The following AMOTL1 variants were observed in gnomAD, a reference collection of about 807,000 sequenced individuals.
AMOTL1 encodes angiomotin-like protein 1.
In AMOTL1, 45 loss-of-function variants were observed where a neutral mutation model predicts 102.9. The ratio of observed to expected loss-of-function variants is 0.44; its 90% CI spans 0.34 to 0.56. AMOTL1 has a LOEUF of 0.56. Among genes scored for constraint, AMOTL1 ranks in the 20% least tolerant of loss-of-function variants. AMOTL1 has a pLI of 0.01. For synonymous variants in AMOTL1, 481 were observed against 484.7 expected (o/e 0.99, Z 0.10); for missense variants, 1,114 against 1,225.6 (o/e 0.91, Z 1.36).
rs115529360 is a variant in AMOTL1 at position 94,714,094 on chromosome 11, G to A, written c.-51+7497G>A. On this transcript the variant is annotated intron_variant, in intron 1 of 4. Transcript: ENST00000299004. ...CTACTTTGCTGAGGGTTTTTATCTT[G>A]AATGAGTGTTTGCTTGTTACATGCT... Among the ~76,000 whole-genome samples the A allele has an allele frequency of 3.5e-3, 535 of 152,090 alleles. 3 individuals are homozygous for A. The highest frequency in any genetic ancestry group is 0.011 in the African/African-American group (476 of 41,558).
intron 1 of AMOTL1, among the ~76,000 whole-genome samples, 197 bp downstream of exon 1, chr11:94,768,757 G>A (rs982448884): frequency 5.3e-5 from 8 of 152,048 alleles, no homozygotes; most frequent in Non-Finnish European, 8.8e-5. Flanking sequence ...TGCGGGCCGG[G>A]CCTCAGCGTC....
At chr11:94,856,816 G>T (rs1194854339) in intron 8 of AMOTL1, among the ~76,000 whole-genome samples, 2 of 152,202 alleles carry the variant, frequency 1.3e-5, no homozygotes, top group Non-Finnish European at 2.9e-5. Flanking sequence ...GCATGATTCT[G>T]AAGAGACTTT....
At position 94,757,787 on chromosome 11, in the gene AMOTL1, A is replaced by G. The variant is rs144060563; in HGVS notation, c.136+16799A>G. On this transcript the variant is annotated intron_variant, in intron 3 of 4. Coordinates refer to the AMOTL1 transcript ENST00000299004. Reference sequence around the variant, plus strand: ...GCAACATAAAATAGTAGTTAAGAGCAAGAGCTTCTCACACCTGTAATCCCA... The same window carrying G: ...GCAACATAAAATAGTAGTTAAGAGCGAGAGCTTCTCACACCTGTAATCCCA... 4.1e-3 allele frequency among the ~76,000 whole-genome samples: 626 copies of G among 152,282 alleles called. 8 individuals carry two copies. Among genetic ancestry groups the G allele is most frequent in the African/African-American group, 0.014 (582 of 41,560 alleles).
chr11:94,772,779 A>C (rs2851590), intron 1 of AMOTL1, among the ~76,000 whole-genome samples: 127,104 of 152,152 alleles, frequency 0.84, 55,557 homozygotes, highest in Non-Finnish European at 0.99. Flanking sequence ...TTTTTTAAGA[A>C]ATTGCCAAAC....
rs542929393 is a variant in AMOTL1 at position 94,760,273 on chromosome 11, C to G, written c.136+19285C>G. On this transcript the variant is annotated intron_variant, in intron 3 of 4. Transcript: ENST00000299004. ...TTGTTTATCCCAAACTGGCCATTTT[C>G]TGATTTCTCTTTCTCTCCTCTATTT... is the stretch of plus-strand genomic sequence containing the variant. Among the ~76,000 whole-genome samples the G allele has an allele frequency of 3.3e-5, 5 of 152,310 alleles. No individual in the cohort carries two copies. In the South Asian group the frequency reaches 1.0e-3, roughly 32 times the overall value.
chr11:94,753,200 G>A (rs1010718474), intron 3 of AMOTL1, among the ~76,000 whole-genome samples: 3 of 152,046 alleles, frequency 2.0e-5, no homozygotes, highest in Non-Finnish European at 4.4e-5. Flanking sequence ...CCATCTTGTA[G>A]GCGGGTGATT....
intron 2 of AMOTL1, among the ~76,000 whole-genome samples, chr11:94,739,950 A>G (rs1420740055): frequency 6.6e-6 from 1 of 152,190 alleles, no homozygotes; most frequent in Non-Finnish European, 1.5e-5. Flanking sequence ...TACATTCTGT[A>G]TTTGAAAGCA....
intron 8 of AMOTL1, among the ~76,000 whole-genome samples, chr11:94,856,011 C>G (rs1454006196): frequency 6.6e-6 from 1 of 152,200 alleles, no homozygotes; most frequent in Non-Finnish European, 1.5e-5. Flanking sequence ...GAGACAGTCT[C>G]TAAACAGAAT....
At chr11:94,865,864 G>T in intron 10 of AMOTL1, 78 bp from the exon 11 acceptor site, 1 of 1,259,974 alleles carries the variant, frequency 7.9e-7, no homozygotes, top group Non-Finnish European at 1.1e-6. Flanking sequence ...TAAAGTCTTT[G>T]GGACAGCCTG....
At chr11:94,777,274 T>A (rs1234387310) in intron 1 of AMOTL1, among the ~76,000 whole-genome samples, 2 of 152,162 alleles carry the variant, frequency 1.3e-5, no homozygotes, top group African/African-American at 4.8e-5. Context: ...TATCTTCCCG[T>A]GGTATTGACT....
intron 3 of AMOTL1, 62 bp downstream of exon 3, chr11:94,800,373 A>C: frequency 6.8e-7 from 1 of 1,475,844 alleles, no homozygotes; most frequent in East Asian, 2.3e-5. Flanking sequence ...TGTTATTAGC[A>C]TTTATTATTT....
At chr11:94,726,389 G>A (rs1264366212) in intron 1 of AMOTL1, among the ~76,000 whole-genome samples, 2 of 152,132 alleles carry the variant, frequency 1.3e-5, no homozygotes, top group Non-Finnish European at 2.9e-5. Context: ...TATTTATGAA[G>A]TGCCAATTAT....
Position 94,853,930 on chromosome 11 carries a change from C to G in AMOTL1, c.1795-3C>G, listed in dbSNP as rs1952602330. 1.9e-6 allele frequency: 3 copies of G among 1,607,390 alleles called. No individual in the cohort carries two copies. The highest frequency in any genetic ancestry group is 2.2e-5 in the East Asian group (1 of 44,702). On this transcript the variant is annotated splice_region_variant and splice_polypyrimidine_tract_variant and intron_variant, in intron 7 of 12. Transcript: ENST00000433060. The stretch of plus-strand genomic sequence containing the variant: ...GTGCTCTTTTTTACTCTTCTCCACT[C>G]AGTTACGAGAGAAGCAAGCATATGT...
rs142989262 is a variant in AMOTL1 at position 94,748,389 on chromosome 11, A to G, written c.136+7401A>G. Reference sequence around the variant, plus strand: ...CACACATCTAATGGTGTTCACTTATATTCCATTGGCCTGAACTTTAGTCAC... The same window carrying G: ...CACACATCTAATGGTGTTCACTTATGTTCCATTGGCCTGAACTTTAGTCAC... On this transcript the variant is annotated intron_variant, in intron 3 of 4. Coordinates refer to the AMOTL1 transcript ENST00000299004. 7.9e-5 allele frequency among the ~76,000 whole-genome samples: 12 copies of G among 152,298 alleles called. No individual in the cohort carries two copies. The East Asian group carries it at 1.7e-3, about 22-fold the overall frequency.
chr11:94,735,555 C>A (rs183575458), intron 2 of AMOTL1, among the ~76,000 whole-genome samples: 49 of 152,256 alleles, frequency 3.2e-4, no homozygotes, highest in African/African-American at 1.2e-3. Context: ...AATATACTTT[C>A]TTGCCTTCCT....
At chr11:94,868,926 A>G (rs1952935784) in intron 11 of AMOTL1, among the ~76,000 whole-genome samples, 1 of 150,880 alleles carries the variant, frequency 6.6e-6, no homozygotes, top group African/African-American at 2.4e-5. Flanking sequence ...AGTTTACTTG[A>G]CAACTACTTC....
chr11:94,787,759 A>G (rs1951217819), intron 1 of AMOTL1, among the ~76,000 whole-genome samples: 1 of 148,626 alleles, frequency 6.7e-6, no homozygotes, highest in Non-Finnish European at 1.5e-5. Flanking sequence ...CTAGAATGAG[A>G]ATCAGAACAA....
chr11:94,821,179 ATGGGGTCATTCCCTGTCACT>A (rs1951858896), intron 3 of AMOTL1, among the ~76,000 whole-genome samples: 1 of 152,188 alleles, frequency 6.6e-6, no homozygotes, highest in Admixed American at 6.5e-5. Context: ...GGAAGTAGCC[ATGGGGTCATTCCCTGTCACT>A]TGGGGTCATT....
Position 94,870,887 on chromosome 11 carries a change from A to G in AMOTL1, c.*92A>G, listed in dbSNP as rs1952983753. 2.9e-6 allele frequency: 3 copies of G among 1,035,692 alleles called. No individual in the cohort carries two copies. The highest frequency in any genetic ancestry group is 4.1e-6 in the Non-Finnish European group (3 of 723,592). The allele number at this position is 1,035,692 out of a possible 1,614,324, so 64.2% of individuals were successfully genotyped here. On this transcript the variant is annotated 3_prime_UTR_variant, in exon 13 of 13. Transcript: ENST00000433060. ...AGACCTAGAAGGTTGTAGATGGGAA[A>G]TCAGGAATGATTTGAACTGATAAAG...
Sources: gnomAD v4.1 joint callset for allele counts (sites outside exome capture counted in the v4.1 genomes callset) on GRCh38, gnomAD v4.1.1 for gene constraint, MANE v1.5 for transcripts, NCBI Gene and HGNC (gene_info 2026-07-23, HGNC 2026-07-21) for gene names.